Variants in HEATR1 observed in about 807,000 individuals in gnomAD.
HEATR1 encodes HEAT repeat containing 1.
In HEATR1, 77 loss-of-function variants were observed where a neutral mutation model predicts 248.2. That is an observed-to-expected ratio of 0.31 (90% CI 0.26 to 0.37). The LOEUF is 0.37. Among genes scored for constraint, HEATR1 ranks in the 10% least tolerant of loss-of-function variants. The pLI is 1.00. For synonymous variants in HEATR1, 897 were observed against 923.1 expected (o/e 0.97, Z 0.51); for missense variants, 2,420 against 2,504.9 (o/e 0.97, Z 0.72).
At position 236,592,638 on chromosome 1, in the gene HEATR1, A is replaced by T. The variant is rs765247290; in HGVS notation, c.1194-5T>A. 3 of 93,616 alleles carry T rather than the reference A, an allele frequency of 3.2e-5. No individual in the cohort carries two copies. Among genetic ancestry groups the T allele is most frequent in the East Asian group, 3.7e-4 (1 of 2,728 alleles). 5.8% of individuals were successfully genotyped at this position (93,616 alleles called of 1,614,324 possible). ...ATATACTCTTCAAATAGAAGGCTGTAAAAAAAAAAACAGAAATATCAGCAT... is the reference window on the plus strand; with the variant it reads ...ATATACTCTTCAAATAGAAGGCTGTTAAAAAAAAAACAGAAATATCAGCAT... On this transcript the variant is annotated splice_polypyrimidine_tract_variant and splice_region_variant and intron_variant, in intron 9 of 44. Coordinates refer to ENST00000366582, the MANE Select transcript of HEATR1 (RefSeq NM_018072.6).
At chr1:236,589,301 G>A (rs888655148) in intron 12 of HEATR1, among the ~76,000 whole-genome samples, 4 of 152,082 alleles carry the variant, frequency 2.6e-5, no homozygotes, top group East Asian at 3.9e-4. Flanking sequence ...TTAACATATC[G>A]ACAAAATAAA....
Position 236,550,634 on chromosome 1 carries a change from G to C in HEATR1, c.*268C>G. On this transcript the variant is annotated 3_prime_UTR_variant, in exon 45 of 45. Coordinates refer to ENST00000366582, the MANE Select transcript of HEATR1 (RefSeq NM_018072.6). The stretch of plus-strand genomic sequence containing the variant: ...ATATTATTACCATCAATCAGGAAGA[G>C]AATAATAAATGTTTAAACAAACACA... The C allele has an allele frequency of 5.3e-6, 2 of 380,848 alleles. No homozygotes were observed. The highest frequency in any genetic ancestry group is 9.4e-6 in the Non-Finnish European group (2 of 213,434). 23.6% of individuals were successfully genotyped at this position (380,848 alleles called of 1,614,324 possible).
chr1:236,559,672 A>T, intron 34 of HEATR1, 42 bp downstream of exon 34: 1 of 1,554,514 alleles, frequency 6.4e-7, no homozygotes, highest in Non-Finnish European at 8.7e-7. Flanking sequence ...AATTTAAAAA[A>T]CAGCAACAAA....
rs767336669 is a variant in HEATR1, at chr1:236,604,083, C to A, written c.13G>T (p.Ala5Ser). 2 of 1,565,816 alleles carry A rather than the reference C, an allele frequency of 1.3e-6. No homozygotes were observed. The highest frequency in any genetic ancestry group is 1.7e-6 in the Non-Finnish European group (2 of 1,164,020). Residue 5 changes from alanine to serine, a missense_variant, in exon 2 of 45, where the codon GCC becomes TCC. Physicochemically the swap from Ala to Ser is moderately conservative, Grantham distance 99. Transcript: ENST00000366582. ...AGGGCGAGTCGTTGCAGCTGCTGGG[C>A]TAAGGACGTCATCTTTCACGCCAGC... MTSLAQQLQRLALPQ... is the reference protein window; with the variant it reads MTSLSQQLQRLALPQ...
intron 11 of HEATR1, among the ~76,000 whole-genome samples, chr1:236,591,739 T>TA (rs67741563): frequency 0.61 from 92,872 of 151,594 alleles, 30,181 homozygotes; most frequent in East Asian, 0.72. Context: ...GAATATCCCA[T>TA]ACAAAATTCT....
chr1:236,580,759 C>T (rs1663705927), intron 20 of HEATR1, among the ~76,000 whole-genome samples: 1 of 151,446 alleles, frequency 6.6e-6, no homozygotes, highest in African/African-American at 2.4e-5. Context: ...TCAAGTGATC[C>T]TCCTGCCTTA....
In HEATR1 at chr1:236,566,775, G is replaced by C; in HGVS notation, c.4179C>G (p.His1393Gln). The C allele has an allele frequency of 1.2e-6, 2 of 1,614,138 alleles. No individual in the cohort carries two copies. Among genetic ancestry groups the C allele is most frequent in the Non-Finnish European group, 1.7e-6 (2 of 1,180,026 alleles). Residue 1393 changes from histidine to glutamine, a missense_variant, in exon 30 of 45, where the codon CAC (histidine) becomes CAG (glutamine). Transcript: ENST00000366582. The part of the protein sequence containing the change: ...FVDALPHVPE[H>Q]RRLPILVQLV... ...GTTGAACAAGGATGGGCAGGCGCCT[G>C]TGCTCCGGGACGTGTGGCAGCGCAT...
chr1:236,567,280 AAG>A (rs1210661050), intron 29 of HEATR1, among the ~76,000 whole-genome samples: 1 of 152,228 alleles, frequency 6.6e-6, no homozygotes, highest in Non-Finnish European at 1.5e-5. Context: ...ACTCAGCCAC[AAG>A]AGTTTTAATA....
At chr1:236,597,046 G>C in intron 5 of HEATR1, 70 bp from the exon 6 acceptor site, 1 of 1,464,102 alleles carries the variant, frequency 6.8e-7, no homozygotes, top group African/African-American at 1.4e-5. Context: ...TTGAGGCCAG[G>C]AGTTCAAGGC....
At chr1:236,567,025 G>A in intron 29 of HEATR1, 149 bp from the exon 30 acceptor site, 1 of 607,430 alleles carries the variant, frequency 1.6e-6, no homozygotes, top group Non-Finnish European at 2.9e-6. Context: ...CTTTCTCCAT[G>A]GCCCAGGCTG....
At chr1:236,559,425 T>C (rs1327485247) in intron 34 of HEATR1, among the ~76,000 whole-genome samples, 1 of 152,208 alleles carries the variant, frequency 6.6e-6, no homozygotes, top group African/African-American at 2.4e-5. Flanking sequence ...ATGTATGTAA[T>C]ATACTTCATA....
chr1:236,570,897 T>C (rs1663408599), intron 28 of HEATR1, among the ~76,000 whole-genome samples: 1 of 152,230 alleles, frequency 6.6e-6, no homozygotes, highest in South Asian at 2.1e-4. Flanking sequence ...GTTTAAATGA[T>C]ATTTTTCATA....
intron 32 of HEATR1, 151 bp from the exon 33 acceptor site, chr1:236,561,422 C>T (rs115383609): frequency 0.017 from 11,583 of 667,226 alleles, 156 homozygotes; most frequent in Middle Eastern, 0.048. Flanking sequence ...ATATCATCTT[C>T]ATTATACTGT....
At chr1:236,578,884 C>T (rs573732310) in intron 20 of HEATR1, among the ~76,000 whole-genome samples, 1 of 152,222 alleles carries the variant, frequency 6.6e-6, no homozygotes, top group South Asian at 2.1e-4. Context: ...GTGAGACCAA[C>T]TGCGCTAGGG....
chr1:236,549,082 A>C lies in HEATR1; in HGVS notation c.*1820T>G, dbSNP rs1321306359. 6.5e-5 allele frequency: 26 copies of C among 398,248 alleles called. No individual in the cohort carries two copies. The Admixed American group carries it at 1.1e-3, about 18-fold the overall frequency. The allele number at this position is 398,248 out of a possible 1,614,324, so 24.7% of individuals were successfully genotyped here. A position where few individuals can be genotyped will look rare whatever the true frequency, so the allele number is the denominator to read the frequency against. On this transcript the variant is annotated 3_prime_UTR_variant, in exon 45 of 45. Transcript: ENST00000366582. ...AGGCATTCATAAGGCAGGCACTATC[A>C]GAAAGTGTACGCCAACTAAGGGACC...
Position 236,604,454 on chromosome 1 carries a change from G to T in HEATR1, c.-65C>A, listed in dbSNP as rs866791146. 28 of 186,878 alleles carry T rather than the reference G, an allele frequency of 1.5e-4. No individual in the cohort carries two copies. The highest frequency in any genetic ancestry group is 6.1e-4 in the African/African-American group (26 of 42,872). The allele number at this position is 186,878 out of a possible 1,614,324, so 11.6% of individuals were successfully genotyped here. A position where few individuals can be genotyped will look rare whatever the true frequency, so the allele number is the denominator to read the frequency against. ...TGGGAATTTGGGTATATCTTGGAAG[G>T]CAACAACTCTTCACAGCGCTTCCCA... On this transcript the variant is annotated 5_prime_UTR_variant, in exon 1 of 45. Coordinates refer to ENST00000366582, the MANE Select transcript of HEATR1 (RefSeq NM_018072.6).
At chr1:236,569,371 T>TG (rs1663362371) in intron 28 of HEATR1, among the ~76,000 whole-genome samples, 1 of 151,966 alleles carries the variant, frequency 6.6e-6, no homozygotes, top group South Asian at 2.1e-4. Context: ...TTTGTAAGGG[T>TG]GGGGTCTCAC....
chr1:236,594,313 TTTTTC>T (rs1244843857), intron 8 of HEATR1, among the ~76,000 whole-genome samples, 199 bp from the exon 9 acceptor site: 9 of 152,208 alleles, frequency 5.9e-5, no homozygotes, highest in African/African-American at 1.7e-4. Context: ...ATCACCTTCA[TTTTTC>T]TTTTATCTAA....
At chr1:236,570,161 T>C (rs556542341) in intron 28 of HEATR1, among the ~76,000 whole-genome samples, 2,140 of 152,042 alleles carry the variant, frequency 0.014, 21 homozygotes, top group Non-Finnish European at 0.02. Context: ...TGGTGGCGGG[T>C]GCCTGTAGTC....
Sources: gnomAD v4.1 joint callset for allele counts (sites outside exome capture counted in the v4.1 genomes callset) on GRCh38, gnomAD v4.1.1 for gene constraint, MANE v1.5 for transcripts, NCBI Gene and HGNC (gene_info 2026-07-23, HGNC 2026-07-21) for gene names.